Variants in MIPOL1 observed in about 807,000 individuals in gnomAD.
MIPOL1 encodes the protein mirror-image polydactyly 1, also known as mirror-image polydactyly gene 1 protein.
MIPOL1 carries 57 observed loss-of-function variants against 60.9 expected under a neutral mutation model. That is an observed-to-expected ratio of 0.94 (90% CI 0.76 to 1.17). The LOEUF (loss-of-function observed/expected upper bound fraction) is 1.17, where lower values mean the gene tolerates loss of function less well. MIPOL1 is among the 50% of genes most tolerant of loss of function. The pLI is 0.00. For synonymous variants in MIPOL1, 179 were observed against 168.8 expected (o/e 1.06, Z -0.47); for missense variants, 551 against 511.6 (o/e 1.08, Z -0.74).
At chr14:37,501,526 A>G (rs2095215114) in intron 12 of MIPOL1, 1 of 152,228 alleles carries the variant, frequency 6.6e-6, no homozygotes, top group Admixed American at 6.5e-5. Context: ...GATCTCATCA[A>G]CTATCATCAT....
At chr14:37,369,727 C>T (rs532875328) in intron 10 of MIPOL1, 103 bp downstream of exon 10, 62 of 758,268 alleles carry the variant, frequency 8.2e-5, no homozygotes, top group Admixed American at 2.9e-4. Context: ...CAGAAGTGAG[C>T]TGTGGTGTTT....
chr14:37,293,770 C>A (rs1224316229), intron 7 of MIPOL1, among the ~76,000 whole-genome samples: 1 of 152,172 alleles, frequency 6.6e-6, no homozygotes, highest in Non-Finnish European at 1.5e-5. Context: ...TGGGGGGTGC[C>A]CGCCATTGCT....
intron 9 of MIPOL1, among the ~76,000 whole-genome samples, chr14:37,341,462 G>A (rs113933305): frequency 2.0e-5 from 3 of 152,288 alleles, no homozygotes; most frequent in African/African-American, 4.8e-5. Flanking sequence ...GACATTGTTA[G>A]GAATGAAGGA....
intron 12 of MIPOL1, among the ~76,000 whole-genome samples, chr14:37,546,532 A>G (rs2095548118): frequency 2.6e-5 from 4 of 152,204 alleles, no homozygotes; most frequent in Admixed American, 2.6e-4. Flanking sequence ...GTTTTGAAAT[A>G]TGTGCTTTTC....
intron 11 of MIPOL1, among the ~76,000 whole-genome samples, chr14:37,459,337 A>G (rs1435910590): frequency 2.0e-5 from 3 of 152,194 alleles, no homozygotes; most frequent in Non-Finnish European, 4.4e-5. Context: ...TAATGGTGAC[A>G]ATACAACTGA....
chr14:37,273,883 G>A (rs1423495457), intron 6 of MIPOL1, among the ~76,000 whole-genome samples: 1 of 151,518 alleles, frequency 6.6e-6, no homozygotes, highest in Non-Finnish European at 1.5e-5. Context: ...CTAGTACTCA[G>A]TAAGTTGTGT....
intron 11 of MIPOL1, among the ~76,000 whole-genome samples, chr14:37,446,348 G>T (rs948450367): frequency 9.9e-5 from 15 of 152,054 alleles, no homozygotes; most frequent in Admixed American, 2.0e-4. Flanking sequence ...GGCCATCAGA[G>T]AAATGCAAAT....
chr14:37,216,062 C>CAAAAAAAAAAAAAAAAAA (rs71449980), intron 1 of MIPOL1, among the ~76,000 whole-genome samples: 1 of 85,836 alleles, frequency 1.2e-5, no homozygotes. Flanking sequence ...ACCTCCATCT[C>CAAAAAAAAAAAAAAAAAA]AAAAAAAAAA....
intron 9 of MIPOL1, among the ~76,000 whole-genome samples, chr14:37,325,365 C>CT (rs762875014): frequency 2.0e-5 from 3 of 151,992 alleles, no homozygotes; most frequent in East Asian, 3.8e-4. Context: ...AAAATATACT[C>CT]TTTTTTATCT....
At chr14:37,226,946 A>G (rs1437555285) in intron 1 of MIPOL1, among the ~76,000 whole-genome samples, 1 of 152,180 alleles carries the variant, frequency 6.6e-6, no homozygotes, top group Non-Finnish European at 1.5e-5. Flanking sequence ...GTGTCCAGTT[A>G]ATTCTTGACT....
chr14:37,482,296 A>G (rs901694548), intron 11 of MIPOL1, among the ~76,000 whole-genome samples: 1 of 152,220 alleles, frequency 6.6e-6, no homozygotes, highest in African/African-American at 2.4e-5. Context: ...AAGAAGGCAT[A>G]CAGATAGCCA....
chr14:37,495,005 A>G (rs1164414838), intron 11 of MIPOL1, among the ~76,000 whole-genome samples: 1 of 152,150 alleles, frequency 6.6e-6, no homozygotes, highest in East Asian at 1.9e-4. Flanking sequence ...AAATGATAGA[A>G]GACTAGAAAG....
intron 12 of MIPOL1, among the ~76,000 whole-genome samples, chr14:37,543,309 T>A (rs112785949): frequency 0.045 from 6,923 of 152,174 alleles, 581 homozygotes; most frequent in African/African-American, 0.16. Flanking sequence ...AGAGTCTTGG[T>A]CTGTTGCCCA....
intron 11 of MIPOL1, among the ~76,000 whole-genome samples, chr14:37,468,881 G>T: frequency 6.6e-6 from 1 of 152,224 alleles, no homozygotes; most frequent in East Asian, 1.9e-4. Context: ...GTGTTCTAGG[G>T]GACTTGAAGG....
intron 11 of MIPOL1, among the ~76,000 whole-genome samples, chr14:37,465,806 A>G (rs2094591388): frequency 6.6e-6 from 1 of 152,208 alleles, no homozygotes; most frequent in South Asian, 2.1e-4. Context: ...AATAATAAAA[A>G]GTACTACTAA....
At chr14:37,245,022 A>G (rs1972968185) in intron 1 of MIPOL1, among the ~76,000 whole-genome samples, 1 of 152,146 alleles carries the variant, frequency 6.6e-6, no homozygotes, top group Non-Finnish European at 1.5e-5. Flanking sequence ...ATCCAAATTC[A>G]TAAAGAGTTG....
At chr14:37,269,119 T>C (rs2083095813) in intron 5 of MIPOL1, among the ~76,000 whole-genome samples, 1 of 152,132 alleles carries the variant, frequency 6.6e-6, no homozygotes, top group South Asian at 2.1e-4. Flanking sequence ...GGAGATAGAA[T>C]GCACTGGTTT....
At chr14:37,513,402 A>G (rs1156284573) in intron 12 of MIPOL1, among the ~76,000 whole-genome samples, 2 of 152,152 alleles carry the variant, frequency 1.3e-5, no homozygotes, top group Non-Finnish European at 2.9e-5. Context: ...TGACAAGTAC[A>G]TAATTATATT....
At position 37,242,931 on chromosome 14, in the gene MIPOL1, G is replaced by A. The variant is rs183952722; in HGVS notation, c.-198-4172G>A. 9.9e-5 allele frequency among the ~76,000 whole-genome samples: 15 copies of A among 152,238 alleles called. No homozygotes were observed. In the East Asian group the frequency reaches 2.9e-3, roughly 29 times the overall value. ...GCAAGGCGTGCATAATGAGAGAAAT[G>A]GCTTAGAGATCTAGAAGAGAGAATT... On this transcript the variant is annotated intron_variant, in intron 1 of 12. Coordinates refer to ENST00000684589, the MANE Select transcript of MIPOL1 (RefSeq NM_001388067.1).
Sources: gnomAD v4.1 joint callset for allele counts (sites outside exome capture counted in the v4.1 genomes callset) on GRCh38, gnomAD v4.1.1 for gene constraint, MANE v1.5 for transcripts, NCBI Gene and HGNC (gene_info 2026-07-23, HGNC 2026-07-21) for gene names.